SNX14: variants seen among roughly 807,000 people sequenced by gnomAD.
SNX14 encodes sorting nexin 14.
Under a neutral mutation model 133.8 loss-of-function variants are expected in SNX14, and 93 were observed. The ratio of observed to expected loss-of-function variants is 0.70; its 90% confidence interval spans 0.59 to 0.83. The LOEUF is 0.83. Among genes scored for constraint, SNX14 ranks in the 40% least tolerant of loss-of-function variants. SNX14 has a pLI of 0.00. For synonymous variants in SNX14, 368 were observed against 365.6 expected (o/e 1.01, Z -0.07); for missense variants, 945 against 1,094.9 (o/e 0.86, Z 1.93).
At chr6:85,563,260 T>C (rs1792391512) in intron 6 of SNX14, among the ~76,000 whole-genome samples, 1 of 152,188 alleles carries the variant, frequency 6.6e-6, no homozygotes, top group Admixed American at 6.5e-5. Flanking sequence ...ATTAATAAAT[T>C]CTCAATACGT....
In SNX14 at chr6:85,577,404, G is replaced by A. The variant is rs570965656; in HGVS notation, c.141-3026C>T. Among the ~76,000 whole-genome samples, 12 of 152,060 alleles carry A rather than the reference G, an allele frequency of 7.9e-5. No homozygotes were observed. In the East Asian group the frequency reaches 1.2e-3, roughly 15 times the overall value. On this transcript the variant is annotated intron_variant, in intron 1 of 28. Transcript: ENST00000314673. Reference sequence around the variant, plus strand: ...CTGCACTCCGGCTGGGTGACAGAGCGAGACTCCGTCTAAATAAATAAATAC... The same window carrying A: ...CTGCACTCCGGCTGGGTGACAGAGCAAGACTCCGTCTAAATAAATAAATAC...
chr6:85,533,738 A>G lies in SNX14; in HGVS notation c.1671T>C (p.Asn557=), dbSNP rs569783894. The G allele has an allele frequency of 6.2e-7, 1 of 1,614,050 alleles. No individual in the cohort carries two copies. The highest frequency in any genetic ancestry group is 8.5e-7 in the Non-Finnish European group (1 of 1,180,028). The change falls in exon 18 of 29, where the codon AAT becomes AAC. Residue 557 remains asparagine (N), a synonymous_variant. Coordinates refer to ENST00000314673, the MANE Select transcript of SNX14 (RefSeq NM_153816.6). ...DSPVEAVSTP[N]TPRNLAAWKI... ...TCCATGCAGCAAGGTTTCGGGGAGTATTAGGTGTGCTCACAGCCTCCACTG... is the reference window on the plus strand; with the variant it reads ...TCCATGCAGCAAGGTTTCGGGGAGTGTTAGGTGTGCTCACAGCCTCCACTG...
intron 1 of SNX14, among the ~76,000 whole-genome samples, chr6:85,577,759 G>T (rs1282551529): frequency 1.3e-5 from 2 of 152,006 alleles, no homozygotes; most frequent in African/African-American, 4.8e-5. Flanking sequence ...ACCAAGGGTC[G>T]AGTCATAAAA....
intron 1 of SNX14, among the ~76,000 whole-genome samples, chr6:85,590,541 G>C (rs1161828709): frequency 1.3e-5 from 2 of 152,154 alleles, no homozygotes; most frequent in African/African-American, 4.8e-5. Flanking sequence ...CTCATCTTCT[G>C]CCTGTTGGTC....
intron 1 of SNX14, 98 bp from the exon 2 acceptor site, chr6:85,574,476 A>T (rs1796693121): frequency 2.5e-6 from 2 of 784,684 alleles, no homozygotes; most frequent in Admixed American, 6.2e-5. Flanking sequence ...AGCACCTACA[A>T]TATCAGATTG....
At position 85,550,527 on chromosome 6, in the gene SNX14, G is replaced by A. The variant is rs1171315500; in HGVS notation, c.635-648C>T. Reference sequence around the variant, plus strand: ...CATTATTATTTTGAGACAAGGTCTCGCTCCGTCACCCAGGCTGGAGATATG... The same window carrying A: ...CATTATTATTTTGAGACAAGGTCTCACTCCGTCACCCAGGCTGGAGATATG... On this transcript the variant is annotated intron_variant, in intron 7 of 28. Transcript: ENST00000314673. Among the ~76,000 whole-genome samples, 9 of 151,906 alleles carry A rather than the reference G, an allele frequency of 5.9e-5. No homozygotes were observed. The South Asian group carries it at 1.2e-3, about 21-fold the overall frequency.
intron 21 of SNX14, among the ~76,000 whole-genome samples, chr6:85,519,121 C>T (rs1324384719): frequency 2.0e-5 from 3 of 152,086 alleles, no homozygotes; most frequent in Non-Finnish European, 2.9e-5. Flanking sequence ...TAGTCAGTAA[C>T]CAGGAATACC....
intron 1 of SNX14, chr6:85,588,916 T>C (rs889886605): frequency 2.2e-6 from 1 of 455,674 alleles, no homozygotes; most frequent in Admixed American, 2.3e-5. Flanking sequence ...GTCTTCACAC[T>C]GGGTAGGCTG....
At chr6:85,508,317 C>T in intron 26 of SNX14, 1 of 951,582 alleles carries the variant, frequency 1.1e-6, no homozygotes, top group Non-Finnish European at 1.3e-6. Flanking sequence ...AGAAATGCTG[C>T]AGTAAAAAAA....
intron 1 of SNX14, among the ~76,000 whole-genome samples, chr6:85,592,522 T>C (rs1381041081): frequency 6.6e-6 from 1 of 152,242 alleles, no homozygotes; most frequent in Non-Finnish European, 1.5e-5. Context: ...AAAAGTCTCC[T>C]CTACTACCTA....
intron 21 of SNX14, among the ~76,000 whole-genome samples, chr6:85,524,987 G>C (rs766476473): frequency 6.6e-6 from 1 of 151,998 alleles, no homozygotes; most frequent in Non-Finnish European, 1.5e-5. Flanking sequence ...TACTATATTA[G>C]TGGTTAGAGA....
rs78967569 is a variant in SNX14, at chr6:85,574,437, C to T, written c.141-59G>A. The T allele has an allele frequency of 3.7e-3, 4,655 of 1,271,026 alleles. 119 individuals are homozygous for T. The African/African-American group carries it at 0.059, about 16-fold the overall frequency. The allele number at this position is 1,271,026 out of a possible 1,614,324, so 78.7% of individuals were successfully genotyped here. A position where few individuals can be genotyped will look rare whatever the true frequency, so the allele number is the denominator to read the frequency against. On this transcript the variant is annotated intron_variant, in intron 1 of 28. Transcript: ENST00000314673. ...AAGAAAATGCCTAATTCTAAGTTAC[C>T]GCTTCACTGACTTAACAAGCATTCA...
chr6:85,541,313 A>C (rs548075973), intron 15 of SNX14, among the ~76,000 whole-genome samples: 1 of 152,266 alleles, frequency 6.6e-6, no homozygotes, highest in African/African-American at 2.4e-5. Flanking sequence ...TTTCATTGGA[A>C]ATTCAGAATA....
At chr6:85,545,149 T>C (rs1241896081) in intron 12 of SNX14, among the ~76,000 whole-genome samples, 2 of 151,854 alleles carry the variant, frequency 1.3e-5, no homozygotes, top group Admixed American at 6.6e-5. Context: ...AGAAAATCTC[T>C]GATCAATCAA....
chr6:85,574,438 G>T, intron 1 of SNX14, 60 bp from the exon 2 acceptor site: 2 of 1,262,726 alleles, frequency 1.6e-6, no homozygotes, highest in South Asian at 3.3e-5. Flanking sequence ...CTAAGTTACC[G>T]CTTCACTGAC....
In SNX14 at chr6:85,543,773, G is replaced by T; in HGVS notation, c.1109-13C>A. ...TCATTAAATTCCTCTAACAAATGAGGGAATGAATAAGAAAAAATAATTTTA... is the reference window on the plus strand; with the variant it reads ...TCATTAAATTCCTCTAACAAATGAGTGAATGAATAAGAAAAAATAATTTTA... On this transcript the variant is annotated splice_polypyrimidine_tract_variant and intron_variant, in intron 12 of 28. Coordinates refer to ENST00000314673, the MANE Select transcript of SNX14 (RefSeq NM_153816.6). The T allele has an allele frequency of 6.9e-7, 1 of 1,454,422 alleles. No homozygotes were observed. The allele number at this position is 1,454,422 out of a possible 1,614,324, so 90.1% of individuals were successfully genotyped here.
chr6:85,517,703 T>C, intron 23 of SNX14, 53 bp downstream of exon 23: 1 of 1,527,970 alleles, frequency 6.5e-7, no homozygotes, highest in Non-Finnish European at 8.7e-7. Flanking sequence ...GAAAAAGTAA[T>C]CTCAAGTAGG....
At chr6:85,567,416 A>T in intron 5 of SNX14, 118 bp downstream of exon 5, 6 of 745,884 alleles carry the variant, frequency 8.0e-6, no homozygotes, top group Non-Finnish European at 1.3e-5. Flanking sequence ...TTTGGCTAAA[A>T]GGTCAACAAT....
At chr6:85,521,538 C>T (rs1024342954) in intron 21 of SNX14, among the ~76,000 whole-genome samples, 4 of 152,146 alleles carry the variant, frequency 2.6e-5, no homozygotes, top group Non-Finnish European at 5.9e-5. Flanking sequence ...ATTCTCTCCC[C>T]TTGTACAGGT....
Sources: gnomAD v4.1 joint callset for allele counts (sites outside exome capture counted in the v4.1 genomes callset) on GRCh38, gnomAD v4.1.1 for gene constraint, MANE v1.5 for transcripts, NCBI Gene and HGNC (gene_info 2026-07-23, HGNC 2026-07-21) for gene names.